Variants in FHOD3 observed in about 807,000 individuals in gnomAD.
The protein encoded by FHOD3 is FH1/FH2 domain-containing protein 3.
A neutral mutation model predicts 173.0 loss-of-function variants in FHOD3; 90 were observed. The observed-to-expected ratio is 0.52, with a 90% confidence interval of 0.44 to 0.62. The LOEUF (loss-of-function observed/expected upper bound fraction) is 0.62, where lower values mean the gene tolerates loss of function less well. Among genes scored for constraint, FHOD3 ranks in the 20% least tolerant of loss-of-function variants. The probability of loss-of-function intolerance (pLI) is 0.00; values close to 1 mark genes in which losing one functional copy is unlikely to be tolerated. For missense variants in FHOD3, 1,945 were observed against 2,034.7 expected, an observed-to-expected ratio of 0.96 and a Z score of 0.85; for synonymous variants, 828 against 823.0, an observed-to-expected ratio of 1.01 and a Z score of -0.10.
intron 13 of FHOD3, among the ~76,000 whole-genome samples, chr18:36,656,814 T>C (rs1387555623): frequency 6.6e-6 from 1 of 152,192 alleles, no homozygotes; most frequent in African/African-American, 2.4e-5. Flanking sequence ...ACAAATAATA[T>C]ATCATACTTT....
chr18:36,391,003 CAG>C (rs978725154), intron 3 of FHOD3, among the ~76,000 whole-genome samples: 1 of 152,176 alleles, frequency 6.6e-6, no homozygotes, highest in Non-Finnish European at 1.5e-5. Context: ...GAATATTCAC[CAG>C]AAAGTGATCG....
chr18:36,340,859 G>A (rs1360560381), intron 1 of FHOD3, among the ~76,000 whole-genome samples: 4 of 151,886 alleles, frequency 2.6e-5, no homozygotes, highest in African/African-American at 7.3e-5. Flanking sequence ...GGATGGTCTC[G>A]ATCTCCTGGC....
At chr18:36,685,468 T>C (rs1294684098) in intron 15 of FHOD3, among the ~76,000 whole-genome samples, 1 of 152,240 alleles carries the variant, frequency 6.6e-6, no homozygotes, top group Admixed American at 6.5e-5. Context: ...TTGATTTAAA[T>C]TGTTTATGCT....
chr18:36,598,107 G>A (rs1049875281), intron 7 of FHOD3, among the ~76,000 whole-genome samples: 3 of 152,200 alleles, frequency 2.0e-5, no homozygotes, highest in Non-Finnish European at 2.9e-5. Context: ...GAGCAGACAG[G>A]TGCCAGAGGT....
chr18:36,780,114 C>T lies in FHOD3; in HGVS notation c.*584C>T, dbSNP rs1283726501. ...ACCTTAAACAGTTCCACAGGCTCGC[C>T]TCTTCAGAATGGCAAAACTCTTCTC... On this transcript the variant is annotated 3_prime_UTR_variant, in exon 29 of 29. Coordinates refer to ENST00000590592, the MANE Select transcript of FHOD3 (RefSeq NM_001281740.3). 2.8e-5 allele frequency: 35 copies of T among 1,231,908 alleles called. 1 individual carries two copies. The South Asian group carries it at 1.3e-3, about 45-fold the overall frequency. 76.3% of individuals were successfully genotyped at this position (1,231,908 alleles called of 1,614,324 possible).
At chr18:36,689,811 G>A (rs540928249) in intron 16 of FHOD3, among the ~76,000 whole-genome samples, 17 of 152,274 alleles carry the variant, frequency 1.1e-4, no homozygotes, top group Middle Eastern at 3.4e-3. Context: ...CAAAGAAAAG[G>A]TTGGAACTGG....
intron 11 of FHOD3, 80 bp downstream of exon 11, chr18:36,649,485 GC>G: frequency 9.2e-7 from 1 of 1,090,568 alleles, no homozygotes; most frequent in Non-Finnish European, 1.3e-6. Context: ...CCTTCTAGTG[GC>G]CACCTCCCTT....
chr18:36,686,829 A>T (rs943605871), intron 15 of FHOD3, among the ~76,000 whole-genome samples: 3 of 152,200 alleles, frequency 2.0e-5, no homozygotes, highest in Non-Finnish European at 4.4e-5. Context: ...TGGATTTTTT[A>T]AAAACTTCTC....
rs1450544854 is a variant in FHOD3 at position 36,693,224 on chromosome 18, A to G, written c.2037A>G (p.Glu679=). ...TAACTTTCAGATACAAATACTTGGA[A>G]CAGTTGGCAGCTGAGGAGCACGAGA... ...QAREERYKYL[E]QLAAEEHEKE... Residue 679 remains glutamate, a synonymous_variant, in exon 17 of 29, where the codon GAA becomes GAG. Transcript: ENST00000590592. The G allele has an allele frequency of 6.2e-7, 1 of 1,613,446 alleles. No individual in the cohort carries two copies. The highest frequency in any genetic ancestry group is 1.7e-5 in the Admixed American group (1 of 59,992).
intron 13 of FHOD3, among the ~76,000 whole-genome samples, chr18:36,657,698 A>G (rs2036515420): frequency 6.6e-6 from 1 of 152,246 alleles, no homozygotes; most frequent in South Asian, 2.1e-4. Context: ...CTGTGATGGA[A>G]TTAACACTAA....
chr18:36,310,054 C>T (rs990681516), intron 1 of FHOD3, among the ~76,000 whole-genome samples: 5 of 152,206 alleles, frequency 3.3e-5, no homozygotes, highest in Non-Finnish European at 5.9e-5. Flanking sequence ...GCCTGGCTCC[C>T]TGTCTCCATC....
chr18:36,430,961 A>G (rs1209312857), intron 3 of FHOD3, among the ~76,000 whole-genome samples: 2 of 152,216 alleles, frequency 1.3e-5, no homozygotes, highest in Non-Finnish European at 2.9e-5. Flanking sequence ...TAGAGGGCAT[A>G]CTCAATACAA....
At chr18:36,435,417 C>G (rs2143371103) in intron 3 of FHOD3, among the ~76,000 whole-genome samples, 1 of 152,156 alleles carries the variant, frequency 6.6e-6, no homozygotes, top group South Asian at 2.1e-4. Context: ...AGTTAAAGAG[C>G]TGACTGATGC....
chr18:36,475,567 C>T (rs1271190436), intron 3 of FHOD3, among the ~76,000 whole-genome samples: 1 of 152,062 alleles, frequency 6.6e-6, no homozygotes, highest in Non-Finnish European at 1.5e-5. Flanking sequence ...CCATCAAAAT[C>T]AAGACCAATA....
chr18:36,760,999 A>G (rs963194387), intron 27 of FHOD3, among the ~76,000 whole-genome samples: 7 of 152,216 alleles, frequency 4.6e-5, no homozygotes, highest in Admixed American at 6.5e-5. Context: ...CACTTTACAC[A>G]GAGGGAATCC....
chr18:36,410,856 CT>C (rs1187084828), intron 3 of FHOD3, among the ~76,000 whole-genome samples: 3 of 151,736 alleles, frequency 2.0e-5, no homozygotes, highest in Admixed American at 6.6e-5. Context: ...GGTTATTTGG[CT>C]TTTTTTTAAT....
At chr18:36,356,677 C>T (rs1283853729) in intron 2 of FHOD3, among the ~76,000 whole-genome samples, 1 of 151,816 alleles carries the variant, frequency 6.6e-6, no homozygotes, top group Non-Finnish European at 1.5e-5. Context: ...GCTCTGTCAC[C>T]CAGGCTGGAG....
chr18:36,512,658 G>C, intron 5 of FHOD3, 115 bp downstream of exon 5: 2 of 731,882 alleles, frequency 2.7e-6, no homozygotes, highest in South Asian at 1.6e-5. Flanking sequence ...AGAGTAAGGT[G>C]GTAAAGACAC....
intron 10 of FHOD3, among the ~76,000 whole-genome samples, chr18:36,631,878 T>C (rs374923022): frequency 6.6e-5 from 10 of 152,374 alleles, no homozygotes; most frequent in African/African-American, 1.7e-4. Context: ...ATTGGATCTA[T>C]ATTTTTCATA....
Sources: gnomAD v4.1 joint callset for allele counts (sites outside exome capture counted in the v4.1 genomes callset) on GRCh38, gnomAD v4.1.1 for gene constraint, MANE v1.5 for transcripts, NCBI Gene and HGNC (gene_info 2026-07-23, HGNC 2026-07-21) for gene names.